The following ZBTB20 variants were observed in gnomAD, a reference collection of about 807,000 sequenced individuals.
The protein encoded by ZBTB20 is zinc finger and BTB domain-containing protein 20.
Under a neutral mutation model 56.9 loss-of-function variants are expected in ZBTB20, and 9 were observed. The observed-to-expected ratio is 0.16, with a 90% CI of 0.10 to 0.28. The LOEUF (loss-of-function observed/expected upper bound fraction) is 0.28, where lower values mean the gene tolerates loss of function less well. ZBTB20 is among the 10% of genes least tolerant of loss of function. ZBTB20 has a pLI of 1.00. For synonymous variants in ZBTB20, 417 were observed against 420.7 expected, an observed-to-expected ratio of 0.99 and a Z score of 0.11; for missense variants, 655 against 1,003.0, an observed-to-expected ratio of 0.65 and a Z score of 4.69.
chr3:114,486,671 G>T (rs1032049462), intron 7 of ZBTB20, among the ~76,000 whole-genome samples: 6 of 152,122 alleles, frequency 3.9e-5, no homozygotes, highest in Non-Finnish European at 5.9e-5. Context: ...AAAGATTTAG[G>T]TGTACCTTTC....
chr3:114,884,575 T>C (rs681207), intron 4 of ZBTB20, among the ~76,000 whole-genome samples: 131,853 of 152,150 alleles, frequency 0.87, 58,167 homozygotes, highest in East Asian at 0.99. Flanking sequence ...AATGATTTAC[T>C]ACCATACATC....
intron 7 of ZBTB20, among the ~76,000 whole-genome samples, chr3:114,461,173 C>G (rs2092310559): frequency 6.6e-6 from 1 of 152,142 alleles, no homozygotes; most frequent in Admixed American, 6.6e-5. Context: ...GACCTGAACT[C>G]ATTCAGAAGT....
intron 6 of ZBTB20, among the ~76,000 whole-genome samples, chr3:114,652,630 T>A (rs193236359): frequency 1.3e-4 from 20 of 152,136 alleles, no homozygotes; most frequent in African/African-American, 4.8e-4. Flanking sequence ...TTAGGTAATG[T>A]GAGTCTTTCA....
chr3:114,709,958 T>A (rs952269995), intron 5 of ZBTB20, among the ~76,000 whole-genome samples: 1 of 152,186 alleles, frequency 6.6e-6, no homozygotes, highest in African/African-American at 2.4e-5. Context: ...ACTACCTGTT[T>A]AAATCTTCAC....
At chr3:114,860,327 A>G (rs2075466832) in intron 4 of ZBTB20, among the ~76,000 whole-genome samples, 2 of 151,954 alleles carry the variant, frequency 1.3e-5, no homozygotes, top group Admixed American at 6.6e-5. Flanking sequence ...AAATTCTGAA[A>G]TTACAACAAA....
intron 9 of ZBTB20, 139 bp downstream of exon 9, chr3:114,380,638 T>C: frequency 7.0e-6 from 9 of 1,292,678 alleles, no homozygotes; most frequent in South Asian, 6.5e-5. Context: ...ATTTGGACTC[T>C]GTTGGCTGCA....
chr3:114,355,485 AC>A (rs2081154952), intron 10 of ZBTB20, among the ~76,000 whole-genome samples: 1 of 151,940 alleles, frequency 6.6e-6, no homozygotes, highest in Non-Finnish European at 1.5e-5. Flanking sequence ...GCGAAGGGGG[AC>A]CCTGCCTCCC....
At chr3:114,700,009 C>T (rs2063299574) in intron 5 of ZBTB20, among the ~76,000 whole-genome samples, 1 of 152,054 alleles carries the variant, frequency 6.6e-6, no homozygotes, top group Non-Finnish European at 1.5e-5. Context: ...TTTTATAAGA[C>T]AAGGAATTCT....
intron 6 of ZBTB20, among the ~76,000 whole-genome samples, chr3:114,662,239 A>G (rs916033282): frequency 1.3e-5 from 2 of 151,932 alleles, no homozygotes; most frequent in African/African-American, 2.4e-5. Context: ...CGAACTCATC[A>G]TTTTTTATGG....
intron 5 of ZBTB20, among the ~76,000 whole-genome samples, chr3:114,708,995 T>C (rs1330879073): frequency 6.6e-6 from 1 of 152,158 alleles, no homozygotes; most frequent in Non-Finnish European, 1.5e-5. Context: ...CTTTTGTCTC[T>C]AGAAGTCTTC....
intron 6 of ZBTB20, among the ~76,000 whole-genome samples, chr3:114,586,656 G>A (rs1313876218): frequency 6.6e-6 from 1 of 152,050 alleles, no homozygotes; most frequent in Non-Finnish European, 1.5e-5. Context: ...TAATAACTAG[G>A]GCCATCCTCA....
chr3:115,010,252 A>G (rs1170168252), intron 2 of ZBTB20, among the ~76,000 whole-genome samples: 1 of 151,964 alleles, frequency 6.6e-6, no homozygotes, highest in African/African-American at 2.4e-5. Flanking sequence ...TACTGATTGT[A>G]GAATCTCAGG....
At chr3:114,422,507 G>T (rs77244836) in intron 7 of ZBTB20, among the ~76,000 whole-genome samples, 3 of 152,094 alleles carry the variant, frequency 2.0e-5, no homozygotes, top group Admixed American at 2.0e-4. Context: ...GCATACCACT[G>T]TCAGAAAATA....
intron 1 of ZBTB20, among the ~76,000 whole-genome samples, chr3:115,126,372 T>C (rs1215449338): frequency 6.6e-6 from 1 of 152,154 alleles, no homozygotes; most frequent in Non-Finnish European, 1.5e-5. Context: ...CCTAAAAGAA[T>C]GTCCTCCAAA....
At chr3:114,362,838 G>A (rs775202756) in intron 10 of ZBTB20, among the ~76,000 whole-genome samples, 7 of 152,146 alleles carry the variant, frequency 4.6e-5, no homozygotes, top group South Asian at 2.1e-4. Flanking sequence ...GCCAAACTCC[G>A]ATCACTTTTG....
At chr3:114,920,972 A>C (rs1234318445) in intron 3 of ZBTB20, among the ~76,000 whole-genome samples, 1 of 152,224 alleles carries the variant, frequency 6.6e-6, no homozygotes, top group Non-Finnish European at 1.5e-5. Flanking sequence ...ACATTCCAAC[A>C]GATTAGATAA....
intron 6 of ZBTB20, among the ~76,000 whole-genome samples, chr3:114,536,723 T>C (rs2048505618): frequency 2.0e-5 from 3 of 152,156 alleles, no homozygotes; most frequent in Non-Finnish European, 2.9e-5. Flanking sequence ...GGCATCACGC[T>C]ACCTGACTTC....
rs1476984142 is a variant in ZBTB20 at position 114,331,782 on chromosome 3, G to C, written c.*7223C>G. ...CAACAAAGCATAAGCAGATACGTGA[G>C]ATATGTCAGACCTTCGACTTCTAAC... On this transcript the variant is annotated 3_prime_UTR_variant, in exon 12 of 12. Transcript: ENST00000675478. 6.6e-6 allele frequency: 1 copy of C among 152,216 alleles called. No homozygotes were observed. Among genetic ancestry groups the C allele is most frequent in the Non-Finnish European group, 1.5e-5 (1 of 68,048 alleles). The allele number at this position is 152,216 out of a possible 1,614,324, so 9.4% of individuals were successfully genotyped here. A position where few individuals can be genotyped will look rare whatever the true frequency, so the allele number is the denominator to read the frequency against.
At chr3:114,564,013 T>C (rs1488630256) in intron 6 of ZBTB20, among the ~76,000 whole-genome samples, 4 of 152,158 alleles carry the variant, frequency 2.6e-5, no homozygotes, top group Non-Finnish European at 5.9e-5. Context: ...CTGGAGTCTT[T>C]AAGAGAAAAT....
Sources: allele counts gnomAD v4.1 joint callset (sites outside exome capture counted in the v4.1 genomes callset), GRCh38; gene constraint gnomAD v4.1.1; transcripts MANE v1.5; gene names NCBI Gene and HGNC (gene_info 2026-07-23, HGNC 2026-07-21).